Variants in COL27A1 observed in about 807,000 individuals in gnomAD.
COL27A1 encodes the protein collagen type XXVII alpha 1 chain.
In COL27A1, 106 loss-of-function variants were observed where a neutral mutation model predicts 251.3. The observed-to-expected ratio is 0.42, with a 90% confidence interval of 0.36 to 0.50. The LOEUF (loss-of-function observed/expected upper bound fraction) is 0.50, where lower values mean the gene tolerates loss of function less well. COL27A1 is among the 20% of genes least tolerant of loss of function. The probability of loss-of-function intolerance (pLI) is 0.00; values close to 1 mark genes in which losing one functional copy is unlikely to be tolerated. For synonymous variants in COL27A1, 1,000 were observed against 986.3 expected (o/e 1.01, Z -0.26); for missense variants, 2,325 against 2,522.8 (o/e 0.92, Z 1.68).
chr9:114,283,368 C>A (rs1477183403), intron 39 of COL27A1, among the ~76,000 whole-genome samples: 1 of 152,130 alleles, frequency 6.6e-6, no homozygotes, highest in African/African-American at 2.4e-5. Context: ...TTTTGAGTAT[C>A]CTCTATCTTT....
intron 27 of COL27A1, among the ~76,000 whole-genome samples, chr9:114,256,003 C>T (rs977255403): frequency 4.6e-5 from 7 of 152,156 alleles, no homozygotes; most frequent in African/African-American, 1.7e-4. Flanking sequence ...TCTCACAGCC[C>T]TCCTGCATAA....
rs965843648 is a variant in COL27A1, at chr9:114,235,484, G to C, written c.2566-115G>C. 4 of 827,814 alleles carry C rather than the reference G, an allele frequency of 4.8e-6. No individual in the cohort carries two copies. The Admixed American group carries it at 5.1e-5, about 11-fold the overall frequency. The allele number at this position is 827,814 out of a possible 1,614,324, so 51.3% of individuals were successfully genotyped here. ...CCTCTCACAAGGCTGCTGCTGGCCG[G>C]ATCCGACTTGGGAAACAGCCTCGGC... On this transcript the variant is annotated intron_variant, in intron 16 of 60. Transcript: ENST00000356083.
At chr9:114,310,449 A>G in intron 60 of COL27A1, 100 bp from the exon 61 acceptor site, 4 of 1,282,414 alleles carry the variant, frequency 3.1e-6, no homozygotes, top group South Asian at 1.3e-5. Flanking sequence ...AATACAGTAT[A>G]GCCATTAAAA....
chr9:114,168,908 A>G lies in COL27A1; in HGVS notation c.1353A>G (p.Lys451=). 1 of 1,613,894 alleles carries G rather than the reference A, an allele frequency of 6.2e-7. No homozygotes were observed. Among genetic ancestry groups the G allele is most frequent in the East Asian group, 2.2e-5 (1 of 44,840 alleles). Residue 451 remains lysine, a synonymous_variant, in exon 3 of 61, where the codon AAA becomes AAG. Transcript: ENST00000356083. ...TACCTCCTACCACCAGCTCCTCTAA[A>G]AAACCCATTCCCACACTAGCTCGGA... is the stretch of plus-strand genomic sequence containing the variant. ...RPLPPTTSSS[K]KPIPTLARTE... is the part of the protein sequence containing the mutation.
chr9:114,223,432 C>T (rs1242690752), intron 14 of COL27A1, among the ~76,000 whole-genome samples: 2 of 152,124 alleles, frequency 1.3e-5, no homozygotes, highest in Non-Finnish European at 2.9e-5. Context: ...CAGATGTCCC[C>T]GTGGCCATCT....
chr9:114,215,848 G>A (rs977260224), intron 12 of COL27A1, among the ~76,000 whole-genome samples: 6 of 152,180 alleles, frequency 3.9e-5, no homozygotes, highest in Non-Finnish European at 7.3e-5. Context: ...ACATCTCACC[G>A]TTTCTTCAGC....
chr9:114,167,595 C>T (rs756838104), intron 2 of COL27A1, 94 bp from the exon 3 acceptor site: 76 of 1,011,856 alleles, frequency 7.5e-5, no homozygotes, highest in Non-Finnish European at 1.0e-4. Context: ...TGTGGGTGGA[C>T]GGTCCACATT....
At position 114,292,165 on chromosome 9, in the gene COL27A1, G is replaced by A. The variant is rs138940294; in HGVS notation, c.4539G>A (p.Thr1513=). The A allele has an allele frequency of 1.5e-4, 228 of 1,559,992 alleles. No individual in the cohort carries two copies. The highest frequency in any genetic ancestry group is 6.0e-4 in the East Asian group (25 of 41,644). The change falls in exon 49 of 61, where the codon ACG becomes ACA. Residue 1513 remains threonine, a synonymous_variant. Coordinates refer to ENST00000356083, the MANE Select transcript of COL27A1 (RefSeq NM_032888.4). ...PPGKRGTEGR[T]GLPGNQGEPG... ...GCAAGCGAGGAACAGAGGGCAGAAC[G>A]GGGCTCCCTGGAAACCAGGGGGAGC...
chr9:114,162,801 C>T lies in COL27A1; in HGVS notation c.133+16C>T. On this transcript the variant is annotated intron_variant, in intron 2 of 60. Transcript: ENST00000356083. ...GCTCCTGAAGGTAATTCTCTCTTCT[C>T]TTTGTCCAGGGGGAGACAAAGGAGA... 2 of 1,599,028 alleles carry T rather than the reference C, an allele frequency of 1.3e-6. No homozygotes were observed. The highest frequency in any genetic ancestry group is 1.1e-5 in the South Asian group (1 of 90,670).
chr9:114,215,080 G>T (rs1564478037), intron 12 of COL27A1, among the ~76,000 whole-genome samples: 1 of 152,242 alleles, frequency 6.6e-6, no homozygotes, highest in African/African-American at 2.4e-5. Flanking sequence ...GACTGCCAAG[G>T]CTGGCCTCAT....
intron 14 of COL27A1, 88 bp from the exon 15 acceptor site, chr9:114,230,991 C>A: frequency 8.9e-7 from 1 of 1,121,776 alleles, no homozygotes; most frequent in Non-Finnish European, 1.3e-6. Flanking sequence ...AGCCCAGGCC[C>A]AGGGACCTTG....
rs1254453425 is a variant in COL27A1, at chr9:114,169,234, G to T, written c.1679G>T (p.Gly560Val). 5.6e-6 allele frequency: 9 copies of T among 1,613,772 alleles called. No individual in the cohort carries two copies. The highest frequency in any genetic ancestry group is 6.8e-6 in the Non-Finnish European group (8 of 1,179,918). The change falls in exon 3 of 61, where the codon GGG (glycine) becomes GTG (valine). Residue 560 changes from glycine to valine, a missense_variant. This residue lies in a region of COL27A1 where 1,183 missense variants were observed against 1,144.1 expected (regional missense o/e 1.03). Coordinates refer to ENST00000356083, the MANE Select transcript of COL27A1 (RefSeq NM_032888.4). ...SPRKPVPLRPGKAARDVPLSD... is the reference protein window; with the variant it reads ...SPRKPVPLRPVKAARDVPLSD... Reference sequence around the variant, plus strand: ...CGGAAGCCTGTCCCCCTCAGACCTGGGAAGGCAGCCAGGGATGTCCCCTTG... The same window carrying T: ...CGGAAGCCTGTCCCCCTCAGACCTGTGAAGGCAGCCAGGGATGTCCCCTTG...
intron 58 of COL27A1, 72 bp from the exon 59 acceptor site, chr9:114,307,597 T>G (rs1588907643): frequency 1.9e-6 from 2 of 1,044,412 alleles, no homozygotes; most frequent in East Asian, 2.4e-5. Context: ...AGATGCAGGG[T>G]CCATCTACAG....
intron 27 of COL27A1, among the ~76,000 whole-genome samples, chr9:114,255,869 G>A (rs898544988): frequency 6.6e-6 from 1 of 152,110 alleles, no homozygotes; most frequent in Admixed American, 6.5e-5. Flanking sequence ...CCGACTTGCC[G>A]GCTGCGGGAT....
intron 27 of COL27A1, among the ~76,000 whole-genome samples, chr9:114,257,633 CCTTCTCATGCCACCCCACCCA>C (rs1379364905): frequency 6.6e-6 from 1 of 152,136 alleles, no homozygotes; most frequent in Non-Finnish European, 1.5e-5. Flanking sequence ...GGCCTTGCTC[CCTTCTCATGCCACCCCACCCA>C]CTTCTCTGCC....
intron 35 of COL27A1, among the ~76,000 whole-genome samples, chr9:114,270,410 A>T (rs1835062531): frequency 6.6e-6 from 1 of 152,190 alleles, no homozygotes; most frequent in Non-Finnish European, 1.5e-5. Context: ...GTTCAGGACA[A>T]ATCCATGACA....
rs555921725 is a variant in COL27A1, at chr9:114,265,527, G to T, written c.3393+52G>T. 162 of 1,566,170 alleles carry T rather than the reference G, an allele frequency of 1.0e-4. 2 individuals carry two copies. The South Asian group carries it at 1.7e-3, about 17-fold the overall frequency. ...GCTTCTTTGCCGCTGGCACCTGGGG[G>T]TGTGGGCCAGGTGGTCAGATAAGGA... On this transcript the variant is annotated intron_variant, in intron 32 of 60. Coordinates refer to ENST00000356083, the MANE Select transcript of COL27A1 (RefSeq NM_032888.4).
chr9:114,206,635 G>A (rs111307860), intron 10 of COL27A1, among the ~76,000 whole-genome samples: 7 of 152,188 alleles, frequency 4.6e-5, no homozygotes, highest in Non-Finnish European at 7.4e-5. Flanking sequence ...ATTGCCTGTC[G>A]TCGAATCTTC....
chr9:114,248,289 A>G (rs979367490), intron 24 of COL27A1, among the ~76,000 whole-genome samples: 2 of 152,216 alleles, frequency 1.3e-5, no homozygotes, highest in Non-Finnish European at 2.9e-5. Context: ...GTCCAGGGGC[A>G]GCCACGCATA....
Sources: gnomAD v4.1 joint callset for allele counts (sites outside exome capture counted in the v4.1 genomes callset) on GRCh38, gnomAD v4.1.1 for gene constraint, gnomAD v4.1.1 regional missense constraint, MANE v1.5 for transcripts, NCBI Gene and HGNC (gene_info 2026-07-23, HGNC 2026-07-21) for gene names.